PDE4D: variants seen among roughly 807,000 people sequenced by gnomAD.
The protein encoded by PDE4D is phosphodiesterase 4D.
Under a neutral mutation model 87.4 loss-of-function variants are expected in PDE4D, and 24 were observed. The ratio of observed to expected loss-of-function variants is 0.27; its 90% confidence interval spans 0.20 to 0.39. The LOEUF is 0.39. PDE4D is among the 10% of genes least tolerant of loss of function. PDE4D has a pLI of 1.00. For synonymous variants in PDE4D, 384 were observed against 383.2 expected (o/e 1.00, Z -0.02); for missense variants, 714 against 1,041.0 (o/e 0.69, Z 4.32).
chr5:58,985,591 A>G (rs1395665639), intron 11 of PDE4D, among the ~76,000 whole-genome samples: 2 of 152,216 alleles, frequency 1.3e-5, no homozygotes, highest in East Asian at 1.9e-4. Flanking sequence ...CAAGTAACCA[A>G]CTATGGGTTT....
intron 1 of PDE4D, among the ~76,000 whole-genome samples, chr5:60,386,208 A>T (rs1462678280): frequency 3.3e-5 from 5 of 151,360 alleles, no homozygotes; most frequent in Non-Finnish European, 7.4e-5. Context: ...TACGTGCTTT[A>T]AAAAAAAATG....
chr5:59,747,244 T>C (rs956469217), intron 1 of PDE4D, among the ~76,000 whole-genome samples: 1 of 152,048 alleles, frequency 6.6e-6, no homozygotes, highest in Non-Finnish European at 1.5e-5. Context: ...ACCCAATGAG[T>C]CCTCCAGTGC....
At chr5:59,337,322 T>TC (rs1777839660) in intron 1 of PDE4D, among the ~76,000 whole-genome samples, 1 of 136,048 alleles carries the variant, frequency 7.4e-6, no homozygotes, top group African/African-American at 2.8e-5. Context: ...CATTCATAAG[T>TC]TCCCCCCCCC....
At chr5:60,176,981 G>T (rs772502910) in intron 2 of PDE4D, among the ~76,000 whole-genome samples, 2 of 152,120 alleles carry the variant, frequency 1.3e-5, no homozygotes, top group Non-Finnish European at 2.9e-5. Context: ...AAAGCAACAG[G>T]GGGTAGGTCA....
intron 1 of PDE4D, among the ~76,000 whole-genome samples, chr5:59,662,719 C>T (rs942241407): frequency 3.3e-5 from 5 of 152,204 alleles, no homozygotes; most frequent in African/African-American, 9.6e-5. Flanking sequence ...ATAACATATC[C>T]GTTCTCTTAT....
chr5:59,403,974 T>C (rs1325464186), intron 1 of PDE4D, among the ~76,000 whole-genome samples: 1 of 152,248 alleles, frequency 6.6e-6, no homozygotes, highest in Admixed American at 6.5e-5. Flanking sequence ...TGTTACTGCC[T>C]GTCTTTTGGA....
intron 2 of PDE4D, among the ~76,000 whole-genome samples, chr5:60,171,312 T>A (rs1042564309): frequency 2.0e-5 from 3 of 151,996 alleles, no homozygotes; most frequent in Non-Finnish European, 4.4e-5. Context: ...AATTATACTG[T>A]TCTGAATATG....
At chr5:59,519,695 G>C (rs1375878953) in intron 1 of PDE4D, among the ~76,000 whole-genome samples, 1 of 152,218 alleles carries the variant, frequency 6.6e-6, no homozygotes, top group Admixed American at 6.5e-5. Flanking sequence ...ATGGCTTTGA[G>C]CAGAGAGCAA....
At chr5:59,255,351 G>T (rs1272811383) in intron 1 of PDE4D, among the ~76,000 whole-genome samples, 1 of 152,028 alleles carries the variant, frequency 6.6e-6, no homozygotes, top group African/African-American at 2.4e-5. Context: ...AACATTCAGA[G>T]TAGGCAAATT....
chr5:59,133,946 C>T (rs1220543105), intron 5 of PDE4D, among the ~76,000 whole-genome samples: 2 of 151,808 alleles, frequency 1.3e-5, no homozygotes, highest in Non-Finnish European at 2.9e-5. Flanking sequence ...TACGACACAG[C>T]CTCACAGGCA....
chr5:59,918,759 G>C (rs898222176), intron 3 of PDE4D, among the ~76,000 whole-genome samples: 3 of 151,976 alleles, frequency 2.0e-5, no homozygotes, highest in Non-Finnish European at 4.4e-5. Flanking sequence ...GCGGCTGCAA[G>C]GAAATTAATT....
intron 1 of PDE4D, among the ~76,000 whole-genome samples, chr5:59,632,020 G>A (rs1344833250): frequency 6.6e-6 from 1 of 152,220 alleles, no homozygotes; most frequent in Non-Finnish European, 1.5e-5. Flanking sequence ...CAGTATAGCA[G>A]CCTGAAGTCG....
chr5:59,219,532 C>A (rs1031086723), intron 1 of PDE4D, among the ~76,000 whole-genome samples: 1 of 151,960 alleles, frequency 6.6e-6, no homozygotes, highest in Non-Finnish European at 1.5e-5. Flanking sequence ...CAAAGAGAGA[C>A]TTTGTATTTT....
At chr5:60,050,819 CA>C (rs1488702827) in intron 2 of PDE4D, among the ~76,000 whole-genome samples, 1 of 151,964 alleles carries the variant, frequency 6.6e-6, no homozygotes, top group East Asian at 1.9e-4. Flanking sequence ...CACATAGGCT[CA>C]AAACAAAGGG....
intron 3 of PDE4D, among the ~76,000 whole-genome samples, chr5:59,969,291 T>C (rs963369874): frequency 4.6e-5 from 7 of 152,128 alleles, no homozygotes; most frequent in African/African-American, 1.7e-4. Flanking sequence ...TCCTTTCTAT[T>C]TTACAAAGGA....
At chr5:59,017,507 T>C (rs1001974455) in intron 6 of PDE4D, among the ~76,000 whole-genome samples, 2 of 152,184 alleles carry the variant, frequency 1.3e-5, no homozygotes, top group African/African-American at 2.4e-5. Context: ...AAGTTTTGGA[T>C]TTCTTACTCT....
At chr5:59,898,539 A>G (rs570129605), upstream of PDE4D, among the ~76,000 whole-genome samples, 3 of 152,316 alleles carry the variant, frequency 2.0e-5, no homozygotes, top group South Asian at 6.2e-4. Context: ...TCAAGTACAC[A>G]TTGAAATTAG....
At chr5:60,060,706 T>C (rs1252445943) in intron 2 of PDE4D, among the ~76,000 whole-genome samples, 1 of 152,078 alleles carries the variant, frequency 6.6e-6, no homozygotes, top group East Asian at 1.9e-4. Flanking sequence ...AAATGTTTTT[T>C]GTTTTTTCAT....
intron 1 of PDE4D, among the ~76,000 whole-genome samples, chr5:60,246,734 T>C (rs1234814378): frequency 1.3e-5 from 2 of 151,960 alleles, no homozygotes; most frequent in African/African-American, 4.8e-5. Context: ...TTAGGTCTTA[T>C]TCTAATCCTG....
Sources: gnomAD v4.1 joint callset for allele counts (sites outside exome capture counted in the v4.1 genomes callset) on GRCh38, gnomAD v4.1.1 for gene constraint, MANE v1.5 for transcripts, NCBI Gene and HGNC (gene_info 2026-07-23, HGNC 2026-07-21) for gene names.